The following RPS6KC1 variants were observed in gnomAD, a reference collection of about 807,000 sequenced individuals.
RPS6KC1 encodes the protein inactive ribosomal protein S6 kinase delta-1.
In RPS6KC1, 54 loss-of-function variants were observed where a neutral mutation model predicts 103.8. The observed-to-expected ratio is 0.52, with a 90% CI of 0.42 to 0.65. The LOEUF (loss-of-function observed/expected upper bound fraction) is 0.65, where lower values mean the gene tolerates loss of function less well. Ranked by LOEUF, RPS6KC1 falls within the 30% of genes least tolerant of loss-of-function variation. The probability of loss-of-function intolerance (pLI) is 0.00; values close to 1 mark genes in which losing one functional copy is unlikely to be tolerated. For missense variants in RPS6KC1, 1,151 were observed against 1,253.8 expected (o/e 0.92, Z 1.24); for synonymous variants, 439 against 438.7 (o/e 1.00, Z -0.01).
chr1:213,396,962 G>T, the RPS6KC1 span, among the ~76,000 whole-genome samples: 1 of 152,174 alleles, frequency 6.6e-6, no homozygotes, highest in Non-Finnish European at 1.5e-5. Context: ...TCTTGCCAGG[G>T]TCTCCTTCCT....
intron 6 of RPS6KC1, among the ~76,000 whole-genome samples, chr1:213,144,390 C>A (rs1326705852): frequency 6.6e-6 from 1 of 152,154 alleles, no homozygotes; most frequent in South Asian, 2.1e-4. Flanking sequence ...ATCCTCCCAC[C>A]TTAGCCTTCA....
chr1:213,772,890 G>A, the RPS6KC1 span, among the ~76,000 whole-genome samples: 11 of 152,286 alleles, frequency 7.2e-5, no homozygotes, highest in South Asian at 2.1e-4. Flanking sequence ...ACTGCCTGCC[G>A]TCAGCGGCCA....
the RPS6KC1 span, among the ~76,000 whole-genome samples, chr1:213,435,823 C>T: frequency 2.6e-5 from 4 of 152,142 alleles, no homozygotes; most frequent in Admixed American, 6.5e-5. Flanking sequence ...ACAGAGTTTT[C>T]TATACACAGC....
At chr1:213,800,817 G>T in the RPS6KC1 span, among the ~76,000 whole-genome samples, 1 of 152,170 alleles carries the variant, frequency 6.6e-6, no homozygotes, top group Non-Finnish European at 1.5e-5. Context: ...ATGGTGTGAG[G>T]TGATTGCAAC....
chr1:213,782,651 A>G, the RPS6KC1 span, among the ~76,000 whole-genome samples: 15,378 of 152,154 alleles, frequency 0.1, 934 homozygotes, highest in East Asian at 0.28. Flanking sequence ...GGAAGAAGAG[A>G]GGGAGGAGCA....
chr1:213,853,073 C>G, the RPS6KC1 span, among the ~76,000 whole-genome samples: 1 of 152,150 alleles, frequency 6.6e-6, no homozygotes, highest in African/African-American at 2.4e-5. Context: ...ACAAGGGGCC[C>G]AAGGCAATTG....
chr1:213,290,562 A>C, the RPS6KC1 span, among the ~76,000 whole-genome samples: 1 of 151,766 alleles, frequency 6.6e-6, no homozygotes, highest in Admixed American at 6.6e-5. Context: ...ATGTCAATTC[A>C]GCCTATTCTC....
the RPS6KC1 span, among the ~76,000 whole-genome samples, chr1:213,343,391 G>GTATATATA: frequency 1.4e-4 from 9 of 65,898 alleles, no homozygotes; most frequent in Non-Finnish European, 1.9e-4. Context: ...AGTGTTGTGT[G>GTATATATA]TATATATATA....
the RPS6KC1 span, among the ~76,000 whole-genome samples, chr1:213,361,074 C>G: frequency 3.3e-5 from 5 of 152,338 alleles, no homozygotes; most frequent in East Asian, 1.9e-4. Context: ...AACCACTACT[C>G]TCTTCAGAGC....
intron 12 of RPS6KC1, among the ~76,000 whole-genome samples, chr1:213,260,333 A>G (rs1421268632): frequency 6.6e-6 from 1 of 152,202 alleles, no homozygotes; most frequent in East Asian, 1.9e-4. Context: ...GTGAAGGGGT[A>G]GAGTTCCATA....
At chr1:213,200,312 G>T (rs1309534743) in intron 8 of RPS6KC1, among the ~76,000 whole-genome samples, 1 of 151,972 alleles carries the variant, frequency 6.6e-6, no homozygotes, top group African/African-American at 2.4e-5. Context: ...ACAGAATAGA[G>T]AACCCAGAAA....
intron 8 of RPS6KC1, among the ~76,000 whole-genome samples, chr1:213,224,251 A>G (rs1416765194): frequency 6.6e-6 from 1 of 152,232 alleles, no homozygotes; most frequent in Non-Finnish European, 1.5e-5. Context: ...ATAGACTCAA[A>G]CCTGTAATCA....
chr1:213,775,621 T>C, the RPS6KC1 span, among the ~76,000 whole-genome samples: 3 of 152,358 alleles, frequency 2.0e-5, no homozygotes, highest in South Asian at 2.1e-4. Context: ...ATAATCTTTT[T>C]GCTGGAGTGT....
chr1:213,556,196 G>GT, the RPS6KC1 span, among the ~76,000 whole-genome samples: 1 of 152,144 alleles, frequency 6.6e-6, no homozygotes, highest in Non-Finnish European at 1.5e-5. Context: ...GAGTGTGCAT[G>GT]TTTTTCCCAT....
At chr1:213,175,863 A>G (rs1204265180) in intron 7 of RPS6KC1, among the ~76,000 whole-genome samples, 1 of 152,202 alleles carries the variant, frequency 6.6e-6, no homozygotes, top group Non-Finnish European at 1.5e-5. Flanking sequence ...TTCTGGTTGA[A>G]TTTGAATGGA....
the RPS6KC1 span, among the ~76,000 whole-genome samples, chr1:213,303,883 G>T: frequency 3.3e-5 from 5 of 152,054 alleles, no homozygotes; most frequent in African/African-American, 1.2e-4. Context: ...GAACATTAAT[G>T]ACCATTGCCT....
chr1:213,065,666 A>G (rs2078267180), intron 1 of RPS6KC1, among the ~76,000 whole-genome samples: 1 of 152,160 alleles, frequency 6.6e-6, no homozygotes, highest in African/African-American at 2.4e-5. Flanking sequence ...GAAGTTGGTA[A>G]TGTATTTGGG....
the RPS6KC1 span, among the ~76,000 whole-genome samples, chr1:213,719,487 C>T: frequency 0.23 from 34,237 of 152,032 alleles, 4,113 homozygotes; most frequent in South Asian, 0.3. Flanking sequence ...TGTGCATGTG[C>T]ATATATATAA....
chr1:213,590,854 T>C, the RPS6KC1 span, among the ~76,000 whole-genome samples: 130,921 of 152,112 alleles, frequency 0.86, 56,631 homozygotes, highest in East Asian at 0.97. Context: ...TCCTTCTGTC[T>C]TCAGAGCCAC....
Sources: gnomAD v4.1 joint callset for allele counts (sites outside exome capture counted in the v4.1 genomes callset) on GRCh38, gnomAD v4.1.1 for gene constraint, MANE v1.5 for transcripts, NCBI Gene and HGNC (gene_info 2026-07-23, HGNC 2026-07-21) for gene names.